The following SEPTIN11 variants were observed in gnomAD, a reference collection of about 807,000 sequenced individuals.
SEPTIN11 encodes septin 11.
Under a neutral mutation model 51.4 loss-of-function variants are expected in SEPTIN11, and 25 were observed. That is an observed-to-expected ratio of 0.49 (90% confidence interval 0.35 to 0.68). The LOEUF is 0.68. Among genes scored for constraint, SEPTIN11 ranks in the 30% least tolerant of loss-of-function variants. The pLI, the probability that SEPTIN11 is intolerant of heterozygous loss-of-function variation, is 0.00. For missense variants in SEPTIN11, 381 were observed against 520.8 expected, an observed-to-expected ratio of 0.73 and a Z score of 2.61; for synonymous variants, 174 against 184.1, an observed-to-expected ratio of 0.95 and a Z score of 0.44.
At chr4:76,978,855 G>C (rs923890063) in intron 1 of SEPTIN11, among the ~76,000 whole-genome samples, 1 of 152,126 alleles carries the variant, frequency 6.6e-6, no homozygotes, top group Non-Finnish European at 1.5e-5. Flanking sequence ...GTTGGGAAGG[G>C]TTCATACTGA....
intron 1 of SEPTIN11, among the ~76,000 whole-genome samples, chr4:76,989,472 G>A (rs1723232410): frequency 6.6e-6 from 1 of 152,158 alleles, no homozygotes; most frequent in Admixed American, 6.5e-5. Flanking sequence ...AAGGATCAGA[G>A]GCTACGGCCT....
chr4:77,031,618 C>T (rs1481807538), intron 9 of SEPTIN11: 1 of 152,206 alleles, frequency 6.6e-6, no homozygotes, highest in Admixed American at 6.5e-5. Flanking sequence ...TGGTCACTTC[C>T]TGTGATACTC....
rs1253887695 is a variant in SEPTIN11 at position 77,030,914 on chromosome 4, G to C, written c.1218G>C (p.Gln406His). 6.2e-7 allele frequency: 1 copy of C among 1,611,576 alleles called. No individual in the cohort carries two copies. Among genetic ancestry groups the C allele is most frequent in the South Asian group, 1.1e-5 (1 of 90,626 alleles). The change falls in exon 9 of 10, where the codon CAG becomes CAC. Residue 406 changes from glutamine to histidine, a missense_variant. Physicochemically the swap from Gln to His is conservative, Grantham distance 24. Transcript: ENST00000264893. ...QKKKAAAQLL[Q>H]SQAQQSGAQQ... The stretch of plus-strand genomic sequence containing the variant: ...AGAAAGCAGCGGCTCAGTTACTACA[G>C]TCCCAGGCCCAGCAATCTGGGGCCC...
chr4:76,989,309 A>G (rs1723223146), intron 1 of SEPTIN11, among the ~76,000 whole-genome samples: 1 of 152,262 alleles, frequency 6.6e-6, no homozygotes, highest in Non-Finnish European at 1.5e-5. Flanking sequence ...TAAATTTTAA[A>G]GAGAAAAATC....
intron 1 of SEPTIN11, among the ~76,000 whole-genome samples, chr4:76,961,045 G>A (rs1721807432): frequency 6.6e-6 from 1 of 152,136 alleles, no homozygotes; most frequent in African/African-American, 2.4e-5. Flanking sequence ...AAAGTAGCTG[G>A]GGAGAAAAGG....
intron 7 of SEPTIN11, among the ~76,000 whole-genome samples, chr4:77,026,663 CGGTGG>C (rs1726167268): frequency 6.6e-6 from 1 of 152,096 alleles, no homozygotes; most frequent in Non-Finnish European, 1.5e-5. Context: ...AATACACTTT[CGGTGG>C]TGTTTCTATC....
rs1462566976 is a variant in SEPTIN11, at chr4:77,037,828, C to A, written c.*3316C>A. 1.6e-5 allele frequency: 16 copies of A among 985,742 alleles called. No individual in the cohort carries two copies. Among genetic ancestry groups the A allele is most frequent in the Non-Finnish European group, 1.9e-5 (16 of 829,936 alleles). 61.1% of individuals were successfully genotyped at this position (985,742 alleles called of 1,614,324 possible). ...AAGGTTTTCTCCAAAAAGGGCATTT[C>A]AACAATGGGAATTATTTAATGTAAC... On this transcript the variant is annotated 3_prime_UTR_variant, in exon 10 of 10. Coordinates refer to ENST00000264893, the MANE Select transcript of SEPTIN11 (RefSeq NM_018243.4).
chr4:77,027,172 G>T (rs1444311431), intron 7 of SEPTIN11, among the ~76,000 whole-genome samples: 1 of 152,182 alleles, frequency 6.6e-6, no homozygotes, highest in African/African-American at 2.4e-5. Flanking sequence ...GTCTTGCTCT[G>T]TTGCCCAGGC....
downstream of SEPTIN11, chr4:77,039,804 CTGT>C (rs1338382909): frequency 2.2e-6 from 2 of 915,744 alleles, no homozygotes; most frequent in African/African-American, 3.6e-5. Context: ...TCAGGAACCA[CTGT>C]TGTTTTATTT....
At chr4:76,950,017 G>A (rs947358930) in intron 1 of SEPTIN11, 87 bp downstream of exon 1, 2 of 1,193,194 alleles carry the variant, frequency 1.7e-6, no homozygotes, top group East Asian at 4.0e-5. Flanking sequence ...CAGGGGAGCC[G>A]GGCGGGTGCT....
intron 1 of SEPTIN11, among the ~76,000 whole-genome samples, chr4:76,952,513 A>G (rs1721392108): frequency 1.3e-5 from 2 of 152,188 alleles, no homozygotes; most frequent in Non-Finnish European, 2.9e-5. Flanking sequence ...GGTAAATATG[A>G]CATTTTAGTG....
In SEPTIN11 at chr4:77,024,630, C is replaced by G. The variant is rs1425836336; in HGVS notation, c.953+3960C>G. Among the ~76,000 whole-genome samples, 1 of 152,208 alleles carries G rather than the reference C, an allele frequency of 6.6e-6. No homozygotes were observed. Among genetic ancestry groups the G allele is most frequent in the Non-Finnish European group, 1.5e-5 (1 of 68,028 alleles). ...TCACCCCCGTTCAACTCACACGAAG[C>G]ACTCAGTTACCACCATTTTCTCAGA... On this transcript the variant is annotated intron_variant, in intron 7 of 9. Coordinates refer to ENST00000264893, the MANE Select transcript of SEPTIN11 (RefSeq NM_018243.4). The surrounding 1 kb of genome is among the most constrained non-coding windows in gnomAD (Gnocchi z 4.2).
chr4:76,967,094 G>A (rs1454001676), intron 1 of SEPTIN11, among the ~76,000 whole-genome samples: 1 of 152,102 alleles, frequency 6.6e-6, no homozygotes, highest in East Asian at 1.9e-4. Flanking sequence ...CTACTTGGGA[G>A]GCTGAGGCAC....
rs958956486 is a variant in SEPTIN11 at position 77,038,551 on chromosome 4, T to C, written c.*4039T>C. 9 of 987,918 alleles carry C rather than the reference T, an allele frequency of 9.1e-6. No individual in the cohort carries two copies. The highest frequency in any genetic ancestry group is 5.1e-4 in the Middle Eastern group (1 of 1,950). 61.2% of individuals were successfully genotyped at this position (987,918 alleles called of 1,614,324 possible). ...AGGTAGGAGAGTGGTGAACAGATAA[T>C]CTATGCATATATCACTAGTGCCAAG... is the stretch of plus-strand genomic sequence containing the variant. On this transcript the variant is annotated 3_prime_UTR_variant, in exon 10 of 10. Transcript: ENST00000264893.
At chr4:76,972,519 G>A (rs1367079845) in intron 1 of SEPTIN11, 1 of 152,178 alleles carries the variant, frequency 6.6e-6, no homozygotes, top group African/African-American at 2.4e-5. Context: ...AAAAGGAAGA[G>A]CACTCAGGAA....
intron 1 of SEPTIN11, 24 bp downstream of exon 1, chr4:76,949,954 T>G: frequency 6.9e-7 from 1 of 1,457,216 alleles, no homozygotes; most frequent in Non-Finnish European, 9.0e-7. Context: ...CCTCGCCTGC[T>G]GCTCCTCGGG....
chr4:76,958,993 A>C (rs142371101), intron 1 of SEPTIN11: 103 of 797,920 alleles, frequency 1.3e-4, no homozygotes, highest in African/African-American at 1.3e-3. Flanking sequence ...CCTGACAGTC[A>C]TCCACATCTA....
chr4:77,005,526 A>C, intron 2 of SEPTIN11, 75 bp from the exon 3 acceptor site: 1 of 1,333,964 alleles, frequency 7.5e-7, no homozygotes, highest in South Asian at 1.4e-5. Context: ...ATGACTAATA[A>C]AAAATACTGA....
chr4:76,957,569 A>G (rs1325922723), intron 1 of SEPTIN11, among the ~76,000 whole-genome samples: 1 of 152,148 alleles, frequency 6.6e-6, no homozygotes, highest in Non-Finnish European at 1.5e-5. Flanking sequence ...ATTCATCCTC[A>G]ATAAAAGTTG....
Sources: allele counts gnomAD v4.1 joint callset (sites outside exome capture counted in the v4.1 genomes callset), GRCh38; gene constraint gnomAD v4.1.1; non-coding constraint Gnocchi (gnomAD v3.1); transcripts MANE v1.5; gene names NCBI Gene and HGNC (gene_info 2026-07-23, HGNC 2026-07-21).